PMP2: variants seen among roughly 807,000 people sequenced by gnomAD.
PMP2 encodes peripheral myelin protein 2.
A neutral mutation model predicts 15.9 loss-of-function variants in PMP2; 11 were observed. That is an observed-to-expected ratio of 0.69 (90% CI 0.44 to 1.14). The LOEUF is 1.14. Among genes scored for constraint, PMP2 ranks in the 50% most tolerant of loss-of-function variants. PMP2 has a pLI of 0.00. For synonymous variants in PMP2, 55 were observed against 54.1 expected (o/e 1.02, Z -0.07); for missense variants, 151 against 154.0 (o/e 0.98, Z 0.10).
intron 2 of PMP2, 101 bp from the exon 3 acceptor site, chr8:81,444,702 C>T: frequency 7.6e-7 from 1 of 1,319,746 alleles, no homozygotes; most frequent in Non-Finnish European, 1.1e-6. Flanking sequence ...ATAGATGTCT[C>T]AGGAGGTACA....
intron 1 of PMP2, among the ~76,000 whole-genome samples, chr8:81,445,213 C>CTT (rs374047600): frequency 7.5e-5 from 11 of 146,076 alleles, no homozygotes; most frequent in African/African-American, 2.7e-4. Context: ...TGCAGATTTT[C>CTT]TTTTTTTTTT....
chr8:81,446,278 T>C (rs535723128), intron 1 of PMP2, among the ~76,000 whole-genome samples: 19 of 152,344 alleles, frequency 1.2e-4, no homozygotes, highest in Middle Eastern at 3.4e-3. Context: ...TTTTGCATGC[T>C]AAACTGGAAA....
rs531093005 is a variant in PMP2, at chr8:81,441,644, T to C, written c.*1754A>G. ...ATATCAGTATGGATTCATGGATTTC[T>C]ATTTTTTCCCAATGGAATTGGGAAT... On this transcript the variant is annotated 3_prime_UTR_variant, in exon 4 of 4. Transcript: ENST00000256103. 2.0e-5 allele frequency: 3 copies of C among 152,224 alleles called. No individual in the cohort carries two copies. The South Asian group carries it at 6.2e-4, about 32-fold the overall frequency. 9.4% of individuals were successfully genotyped at this position (152,224 alleles called of 1,614,324 possible).
At chr8:81,445,066 G>C in intron 1 of PMP2, 77 bp from the exon 2 acceptor site, 8 of 1,193,264 alleles carry the variant, frequency 6.7e-6, no homozygotes, top group South Asian at 1.4e-5. Flanking sequence ...CACATCCTAC[G>C]CTCAGTGGTG....
rs1276338950 is a variant in PMP2, at chr8:81,443,129, A to C, written c.*269T>G. The C allele has an allele frequency of 3.2e-6, 1 of 316,038 alleles. No individual in the cohort carries two copies. Among genetic ancestry groups the C allele is most frequent in the Non-Finnish European group, 5.7e-6 (1 of 175,344 alleles). The allele number at this position is 316,038 out of a possible 1,614,324, so 19.6% of individuals were successfully genotyped here. On this transcript the variant is annotated 3_prime_UTR_variant, in exon 4 of 4. Coordinates refer to ENST00000256103, the MANE Select transcript of PMP2 (RefSeq NM_002677.5). ...TTCAAGTATACAAAGTTCAACATAG[A>C]TTAGAATTTTGTAGTTAATTGAATG...
Position 81,444,932 on chromosome 8 carries a change from C to T in PMP2, c.131G>A (p.Ser44Asn). The T allele has an allele frequency of 1.2e-6, 2 of 1,613,858 alleles. No individual in the cohort carries two copies. The highest frequency in any genetic ancestry group is 1.1e-5 in the South Asian group (1 of 91,064). ...TATAGTTATAATATCTCCTTTCTTG[C>T]TGATGATCACAGTGGGTTTGGCCAA... ...GNLAKPTVII[S>N]KKGDIITIRT... The change falls in exon 2 of 4, where the codon AGC (serine) becomes AAC (asparagine). Residue 44 changes from serine (S) to asparagine (N), a missense_variant. By Grantham distance (46) the Ser-to-Asn change is conservative. Transcript: ENST00000256103.
At chr8:81,446,535 T>C (rs1421760851) in intron 1 of PMP2, among the ~76,000 whole-genome samples, 1 of 152,238 alleles carries the variant, frequency 6.6e-6, no homozygotes, top group Non-Finnish European at 1.5e-5. Context: ...CTCGGGTCAC[T>C]GGCATCACTC....
chr8:81,444,574 G>T lies in PMP2; in HGVS notation c.274C>A (p.Leu92Met). Reference protein sequence around the residue: ...KSIVTLQRGSLNQVQRWDGKE... With the variant: ...KSIVTLQRGSMNQVQRWDGKE... ...CCATCCCATCTCTGCACTTGATTCA[G>T]TGATCCTCTCTGCAGGGTTACGATG... Residue 92 changes from leucine to methionine, a missense_variant, in exon 3 of 4, where the codon CTG becomes ATG. Coordinates refer to ENST00000256103, the MANE Select transcript of PMP2 (RefSeq NM_002677.5). The T allele has an allele frequency of 6.2e-7, 1 of 1,613,966 alleles. No individual in the cohort carries two copies. Among genetic ancestry groups the T allele is most frequent in the Non-Finnish European group, 8.5e-7 (1 of 1,179,896 alleles).
At position 81,444,811 on chromosome 8, in the gene PMP2, G is replaced by T; in HGVS notation, c.246+6C>A. ...GCCAACTTTGAAGAGAAACATTAAA[G>T]ATTACCTTGGTCTTTCTATTGTCAG... On this transcript the variant is annotated splice_donor_region_variant and intron_variant, in intron 2 of 3. Coordinates refer to ENST00000256103, the MANE Select transcript of PMP2 (RefSeq NM_002677.5). 1 of 1,612,066 alleles carries T rather than the reference G, an allele frequency of 6.2e-7. No homozygotes were observed. Among genetic ancestry groups the T allele is most frequent in the Non-Finnish European group, 8.5e-7 (1 of 1,179,322 alleles).
chr8:81,443,600 G>C, intron 3 of PMP2, 152 bp from the exon 4 acceptor site: 1 of 504,342 alleles, frequency 2.0e-6, no homozygotes, highest in Non-Finnish European at 3.4e-6. Context: ...TCAGAATTAT[G>C]ACCATTGAAA....
chr8:81,447,225 CAGT>C (rs768580991), intron 1 of PMP2, 86 bp downstream of exon 1: 56 of 930,754 alleles, frequency 6.0e-5, no homozygotes, highest in Admixed American at 2.2e-4. Flanking sequence ...CAAAACTCCC[CAGT>C]ATCCTGTTAA....
At position 81,441,932 on chromosome 8, in the gene PMP2, A is replaced by G. The variant is rs1183619516; in HGVS notation, c.*1466T>C. 6.6e-6 allele frequency: 1 copy of G among 152,106 alleles called. No individual in the cohort carries two copies. Among genetic ancestry groups the G allele is most frequent in the Non-Finnish European group, 1.5e-5 (1 of 67,958 alleles). The allele number at this position is 152,106 out of a possible 1,614,324, so 9.4% of individuals were successfully genotyped here. A position where few individuals can be genotyped will look rare whatever the true frequency, so the allele number is the denominator to read the frequency against. Reference sequence around the variant, plus strand: ...TTAGTGGCAAACTATATTAGACACGAAGATCTGAGTGCTAGGTATATTCAT... The same window carrying G: ...TTAGTGGCAAACTATATTAGACACGGAGATCTGAGTGCTAGGTATATTCAT... On this transcript the variant is annotated 3_prime_UTR_variant, in exon 4 of 4. Coordinates refer to ENST00000256103, the MANE Select transcript of PMP2 (RefSeq NM_002677.5).
At chr8:81,446,382 A>G (rs576534727) in intron 1 of PMP2, among the ~76,000 whole-genome samples, 14 of 152,334 alleles carry the variant, frequency 9.2e-5, no homozygotes, top group Non-Finnish European at 1.5e-4. Flanking sequence ...CCGATCTCAC[A>G]GTATGAATTG....
intron 1 of PMP2, 87 bp downstream of exon 1, chr8:81,447,227 G>C (rs778068793): frequency 7.5e-5 from 72 of 955,104 alleles, no homozygotes; most frequent in Non-Finnish European, 1.1e-4. Context: ...AAACTCCCCA[G>C]TATCCTGTTA....
chr8:81,445,034 T>C (rs1465235061), intron 1 of PMP2, 45 bp from the exon 2 acceptor site: 1 of 1,555,218 alleles, frequency 6.4e-7, no homozygotes, highest in East Asian at 2.2e-5. Flanking sequence ...CAAGAGAGCA[T>C]AGCCAAAGAG....
intron 1 of PMP2, among the ~76,000 whole-genome samples, 165 bp downstream of exon 1, chr8:81,447,149 T>A (rs1190561345): frequency 6.6e-6 from 1 of 152,130 alleles, no homozygotes; most frequent in Non-Finnish European, 1.5e-5. Context: ...CAAATAAAAT[T>A]CAAATAAATT....
Position 81,441,630 on chromosome 8 carries a change from G to T in PMP2, c.*1768C>A, listed in dbSNP as rs938151384. On this transcript the variant is annotated 3_prime_UTR_variant, in exon 4 of 4. Coordinates refer to ENST00000256103, the MANE Select transcript of PMP2 (RefSeq NM_002677.5). ...GATTATCTATCATTATATCAGTATG[G>T]ATTCATGGATTTCTATTTTTTCCCA... The T allele has an allele frequency of 6.6e-6, 1 of 151,466 alleles. No homozygotes were observed. Among genetic ancestry groups the T allele is most frequent in the Non-Finnish European group, 1.5e-5 (1 of 67,838 alleles). 9.4% of individuals were successfully genotyped at this position (151,466 alleles called of 1,614,324 possible).
At chr8:81,446,324 T>C (rs1384126214) in intron 1 of PMP2, among the ~76,000 whole-genome samples, 1 of 152,184 alleles carries the variant, frequency 6.6e-6, no homozygotes, top group Non-Finnish European at 1.5e-5. Context: ...TGAGACTTTC[T>C]TTTATTTGGC....
rs760539639 is a variant in PMP2, at chr8:81,441,734, G to A, written c.*1664C>T. Reference sequence around the variant, plus strand: ...TCTCAATTATTTTGCTCTCAGATTGGCTCAAGTTTGGCCAGTGGGAGCCCC... The same window carrying A: ...TCTCAATTATTTTGCTCTCAGATTGACTCAAGTTTGGCCAGTGGGAGCCCC... On this transcript the variant is annotated 3_prime_UTR_variant, in exon 4 of 4. Coordinates refer to ENST00000256103, the MANE Select transcript of PMP2 (RefSeq NM_002677.5). The A allele has an allele frequency of 6.6e-6, 1 of 150,964 alleles. No homozygotes were observed. Among genetic ancestry groups the A allele is most frequent in the Non-Finnish European group, 1.5e-5 (1 of 67,750 alleles). The allele number at this position is 150,964 out of a possible 1,614,324, so 9.4% of individuals were successfully genotyped here.
Sources: allele counts gnomAD v4.1 joint callset (sites outside exome capture counted in the v4.1 genomes callset), GRCh38; gene constraint gnomAD v4.1.1; transcripts MANE v1.5; gene names NCBI Gene and HGNC (gene_info 2026-07-23, HGNC 2026-07-21).